NKD1: variants seen among roughly 807,000 people sequenced by gnomAD.
NKD1 encodes the protein protein naked cuticle homolog 1.
Under a neutral mutation model 56.0 loss-of-function variants are expected in NKD1, and 21 were observed. The observed-to-expected ratio is 0.38, with a 90% confidence interval of 0.27 to 0.54. The LOEUF is 0.54. NKD1 is among the 20% of genes least tolerant of loss of function. The pLI, the probability that NKD1 is intolerant of heterozygous loss-of-function variation, is 0.82. For missense variants in NKD1, 578 were observed against 642.7 expected (o/e 0.90, Z 1.09); for synonymous variants, 263 against 265.7 (o/e 0.99, Z 0.10).
chr16:50,631,513 G>C (rs1181273692), intron 8 of NKD1, among the ~76,000 whole-genome samples: 1 of 152,194 alleles, frequency 6.6e-6, no homozygotes, highest in Non-Finnish European at 1.5e-5. Context: ...ATCGGAGCTG[G>C]ATTAGTACTC....
intron 2 of NKD1, chr16:50,548,962 C>A: frequency 1.0e-6 from 1 of 963,736 alleles, no homozygotes; most frequent in African/African-American, 1.8e-5. Context: ...CCACCGCTGA[C>A]CCTCAACCCC....
chr16:50,562,443 A>T (rs1960655118), intron 3 of NKD1: 1 of 185,930 alleles, frequency 5.4e-6, no homozygotes, highest in African/African-American at 2.4e-5. Flanking sequence ...AGCATGTGCT[A>T]CTTTTTGTAT....
chr16:50,557,475 GT>G (rs1960528724), intron 3 of NKD1: 2 of 152,164 alleles, frequency 1.3e-5, no homozygotes. Flanking sequence ...CTCATACTCT[GT>G]TTAATAACTA....
At position 50,549,552 on chromosome 16, in the gene NKD1, C is replaced by T; in HGVS notation, c.189C>T (p.Thr63=). The T allele has an allele frequency of 6.3e-7, 1 of 1,585,196 alleles. No individual in the cohort carries two copies. The highest frequency in any genetic ancestry group is 8.6e-7 in the Non-Finnish European group (1 of 1,163,100). The part of the protein sequence containing the change: ...LRLAGTIGRS[T]RELVGDVLRD... ...TGGCGGGCACCATAGGCCGAAGCAC[C>T]CGGGTATGATTCCCCACCCCTGCCC... Residue 63 remains threonine (T), a synonymous_variant, in exon 3 of 10, where the codon ACC becomes ACT. Coordinates refer to ENST00000268459, the MANE Select transcript of NKD1 (RefSeq NM_033119.5).
At chr16:50,597,919 G>T (rs1342725470) in intron 3 of NKD1, among the ~76,000 whole-genome samples, 2 of 152,172 alleles carry the variant, frequency 1.3e-5, no homozygotes, top group Admixed American at 6.5e-5. Flanking sequence ...CTCATCTGGT[G>T]GTTGGGGATG....
intron 3 of NKD1, chr16:50,606,346 T>G (rs1961709006): frequency 6.2e-6 from 1 of 162,026 alleles, no homozygotes; most frequent in East Asian, 1.6e-4. Flanking sequence ...TGCGCCTGGC[T>G]GGGGAGATGA....
rs982693487 is a variant in NKD1, at chr16:50,634,851, G to A, written c.*1070G>A. Reference sequence around the variant, plus strand: ...ATGCTTTCATCAGAGGTCCATTCTCGGGTTTTGGGGTCTGATGGATTTTGG... The same window carrying A: ...ATGCTTTCATCAGAGGTCCATTCTCAGGTTTTGGGGTCTGATGGATTTTGG... On this transcript the variant is annotated 3_prime_UTR_variant, in exon 10 of 10. Coordinates refer to ENST00000268459, the MANE Select transcript of NKD1 (RefSeq NM_033119.5). 6 of 152,230 alleles carry A rather than the reference G, an allele frequency of 3.9e-5. No homozygotes were observed. The highest frequency in any genetic ancestry group is 9.7e-5 in the African/African-American group (4 of 41,400). 9.4% of individuals were successfully genotyped at this position (152,230 alleles called of 1,614,324 possible). A position where few individuals can be genotyped will look rare whatever the true frequency, so the allele number is the denominator to read the frequency against.
rs1200652332 is a variant in NKD1 at position 50,598,270 on chromosome 16, C to T, written c.193-10024C>T. ...GTGTGTGTGTGTGTGTGTGCGCGCA[C>T]ACCTGTGCTCATGGACACTCTTGTC... On this transcript the variant is annotated intron_variant, in intron 3 of 9. Transcript: ENST00000268459. The surrounding 1 kb of genome is among the most constrained non-coding windows in gnomAD (Gnocchi z 4.2). Among the ~76,000 whole-genome samples the T allele has an allele frequency of 6.9e-6, 1 of 144,160 alleles. No homozygotes were observed. Among genetic ancestry groups the T allele is most frequent in the Non-Finnish European group, 1.5e-5 (1 of 67,760 alleles). The allele number at this position is 144,160 out of a possible 152,430, so 94.6% of individuals were successfully genotyped here. A position where few individuals can be genotyped will look rare whatever the true frequency, so the allele number is the denominator to read the frequency against.
Position 50,623,849 on chromosome 16 carries a change from T to G in NKD1, c.367-1636T>G, listed in dbSNP as rs1229307161. 1.3e-5 allele frequency among the ~76,000 whole-genome samples: 2 copies of G among 151,372 alleles called. No individual in the cohort carries two copies. Among genetic ancestry groups the G allele is most frequent in the East Asian group, 1.9e-4 (1 of 5,130 alleles). On this transcript the variant is annotated intron_variant, in intron 5 of 9. Coordinates refer to ENST00000268459, the MANE Select transcript of NKD1 (RefSeq NM_033119.5). The surrounding 1 kb of genome is among the most constrained non-coding windows in gnomAD (Gnocchi z 4.1). The stretch of plus-strand genomic sequence containing the variant: ...GTGTGTAGGTACGTGTGTAGGGGTA[T>G]GCGTGTGTGTGTGTGTGTAGGGGTA...
At chr16:50,602,834 G>T (rs563333313) in intron 3 of NKD1, among the ~76,000 whole-genome samples, 1 of 152,356 alleles carries the variant, frequency 6.6e-6, no homozygotes, top group South Asian at 2.1e-4. Flanking sequence ...TCCCTCTCGT[G>T]TGGCACTCCT....
Position 50,639,871 on chromosome 16 carries a change from GT to G in NKD1, c.*6091del, listed in dbSNP as rs2151283168. The G allele has an allele frequency of 6.6e-6, 1 of 152,382 alleles. No individual in the cohort carries two copies. The highest frequency in any genetic ancestry group is 1.9e-4 in the East Asian group (1 of 5,188). The allele number at this position is 152,382 out of a possible 1,614,324, so 9.4% of individuals were successfully genotyped here. Reference sequence around the variant, plus strand: ...GGTCTGAAATTAGGGAGATATGAATGTCTTTCTTGAAAACTTCTCTTCCCAG... The same window carrying G: ...GGTCTGAAATTAGGGAGATATGAATGCTTTCTTGAAAACTTCTCTTCCCAG... On this transcript the variant is annotated 3_prime_UTR_variant, in exon 10 of 10. Transcript: ENST00000268459.
chr16:50,598,260 T>C lies in NKD1; in HGVS notation c.193-10034T>C, dbSNP rs111464099. 4.8e-3 allele frequency among the ~76,000 whole-genome samples: 665 copies of C among 137,974 alleles called. 7 individuals carry two copies. The highest frequency in any genetic ancestry group is 0.019 in the African/African-American group (631 of 32,966). The allele number at this position is 137,974 out of a possible 152,430, so 90.5% of individuals were successfully genotyped here. ...GTGTGTGTGTGTGTGTGTGTGTGTG[T>C]GTGCGCGCACACCTGTGCTCATGGA... On this transcript the variant is annotated intron_variant, in intron 3 of 9. Coordinates refer to ENST00000268459, the MANE Select transcript of NKD1 (RefSeq NM_033119.5). The surrounding 1 kb of genome is among the most constrained non-coding windows in gnomAD (Gnocchi z 4.2).
At position 50,646,421 on chromosome 16, in the gene NKD1, A is replaced by T. The variant is rs1451417777; in HGVS notation, c.*12640A>T. On this transcript the variant is annotated 3_prime_UTR_variant, in exon 10 of 10. Transcript: ENST00000268459. The stretch of plus-strand genomic sequence containing the variant: ...TAACTGATGCCACAGTCTTTTATGT[A>T]CATGGCAAAAACGGGACAGAAATTG... 1 of 152,248 alleles carries T rather than the reference A, an allele frequency of 6.6e-6. No individual in the cohort carries two copies. Among genetic ancestry groups the T allele is most frequent in the East Asian group, 1.9e-4 (1 of 5,192 alleles). The allele number at this position is 152,248 out of a possible 1,614,324, so 9.4% of individuals were successfully genotyped here. A position where few individuals can be genotyped will look rare whatever the true frequency, so the allele number is the denominator to read the frequency against.
chr16:50,622,184 G>A (rs1002796210), intron 5 of NKD1, among the ~76,000 whole-genome samples: 2 of 152,258 alleles, frequency 1.3e-5, no homozygotes, highest in African/African-American at 4.8e-5. Flanking sequence ...CCAAGGATGT[G>A]CCTCCGTGTG....
chr16:50,605,473 C>T (rs1311150773), intron 3 of NKD1, among the ~76,000 whole-genome samples: 1 of 152,166 alleles, frequency 6.6e-6, no homozygotes, highest in Non-Finnish European at 1.5e-5. Flanking sequence ...ACAGTTGGCC[C>T]TCCTTATCCA....
At chr16:50,592,232 C>T (rs578132747) in intron 3 of NKD1, among the ~76,000 whole-genome samples, 37 of 152,324 alleles carry the variant, frequency 2.4e-4, no homozygotes, top group Middle Eastern at 3.4e-3. Context: ...TTGCTGCTGC[C>T]GCCGCCTGGG....
intron 3 of NKD1, among the ~76,000 whole-genome samples, chr16:50,564,051 C>T (rs1418754765): frequency 6.6e-6 from 1 of 152,278 alleles, no homozygotes; most frequent in Admixed American, 6.5e-5. Flanking sequence ...GAGTGATTCA[C>T]AGCAGGTGGT....
chr16:50,621,485 G>T, intron 4 of NKD1, 117 bp from the exon 5 acceptor site: 1 of 670,716 alleles, frequency 1.5e-6, no homozygotes, highest in Non-Finnish European at 2.5e-6. Flanking sequence ...GGCAGGAGCG[G>T]GCCCAGCCCC....
intron 3 of NKD1, among the ~76,000 whole-genome samples, chr16:50,600,094 G>A (rs1961561039): frequency 6.6e-6 from 1 of 152,076 alleles, no homozygotes; most frequent in Admixed American, 6.5e-5. Context: ...GGGGGCCAGG[G>A]GGTAGGTTCT....
Sources: allele counts gnomAD v4.1 joint callset (sites outside exome capture counted in the v4.1 genomes callset), GRCh38; gene constraint gnomAD v4.1.1; non-coding constraint Gnocchi (gnomAD v3.1); transcripts MANE v1.5; gene names NCBI Gene and HGNC (gene_info 2026-07-23, HGNC 2026-07-21).